Variants in PDE4D observed in about 807,000 individuals in gnomAD.
PDE4D encodes the protein 3',5'-cyclic-AMP phosphodiesterase 4D.
PDE4D carries 24 observed loss-of-function variants against 87.4 expected under a neutral mutation model. The ratio of observed to expected loss-of-function variants is 0.27; its 90% CI spans 0.20 to 0.39. The LOEUF (loss-of-function observed/expected upper bound fraction) is 0.39, where lower values mean the gene tolerates loss of function less well. Ranked by LOEUF, PDE4D falls within the 10% of genes least tolerant of loss-of-function variation. PDE4D has a pLI of 1.00. For synonymous variants in PDE4D, 384 were observed against 383.2 expected, an observed-to-expected ratio of 1.00 and a Z score of -0.02; for missense variants, 714 against 1,041.0, an observed-to-expected ratio of 0.69 and a Z score of 4.32.
intron 3 of PDE4D, among the ~76,000 whole-genome samples, chr5:59,918,736 G>A (rs948269315): frequency 1.3e-5 from 2 of 152,090 alleles, no homozygotes; most frequent in African/African-American, 4.8e-5. Context: ...AAGAAGTTGC[G>A]ACCGTCAGTC....
Position 60,089,921 on chromosome 5 carries a change from A to G in PDE4D, c.42+95636T>C, listed in dbSNP as rs141244513. Among the ~76,000 whole-genome samples the G allele has an allele frequency of 6.4e-3, 966 of 152,102 alleles. 10 individuals carry two copies. The highest frequency in any genetic ancestry group is 0.022 in the African/African-American group (914 of 41,546). On this transcript the variant is annotated intron_variant, in intron 2 of 16. Transcript: ENST00000502484. ...TACACCAACAAATAGGAAAACCTAA[A>G]AGAAATGGATGAATTTCTGGACACA...
At chr5:59,403,624 G>C (rs1383740035) in intron 1 of PDE4D, among the ~76,000 whole-genome samples, 4 of 152,008 alleles carry the variant, frequency 2.6e-5, no homozygotes, top group African/African-American at 9.7e-5. Context: ...CCATGTTGTT[G>C]CAAATGACAG....
At position 59,213,447 on chromosome 5, in the gene PDE4D, T is replaced by C. The variant is rs532023240; in HGVS notation, c.647+2330A>G. On this transcript the variant is annotated intron_variant, in intron 2 of 14. Coordinates refer to ENST00000340635, the MANE Select transcript of PDE4D (RefSeq NM_001104631.2). ...TTTTCCAAGGATAGCCTCCTTACTTTGGCTCATGATCATGTTTTTGTCAGC... is the reference window on the plus strand; with the variant it reads ...TTTTCCAAGGATAGCCTCCTTACTTCGGCTCATGATCATGTTTTTGTCAGC... Among the ~76,000 whole-genome samples the C allele has an allele frequency of 7.2e-5, 11 of 152,292 alleles. No homozygotes were observed. In the East Asian group the frequency reaches 2.1e-3, roughly 30 times the overall value.
intron 2 of PDE4D, among the ~76,000 whole-genome samples, chr5:60,104,908 G>C (rs2149340802): frequency 6.6e-6 from 1 of 152,240 alleles, no homozygotes; most frequent in East Asian, 1.9e-4. Flanking sequence ...CCACAAAGAT[G>C]GGGAAAATCA....
At position 59,866,225 on chromosome 5, in the gene PDE4D, T is replaced by C. The variant is rs187626953; in HGVS notation, c.455+26943A>G. ...CAGACAGGACTCCTATACATACTTCTTTTTTTGTTTATTGAAAATCTTATT... is the reference window on the plus strand; with the variant it reads ...CAGACAGGACTCCTATACATACTTCCTTTTTTGTTTATTGAAAATCTTATT... On this transcript the variant is annotated intron_variant, in intron 1 of 14. Transcript: ENST00000340635. Among the ~76,000 whole-genome samples, 30 of 151,974 alleles carry C rather than the reference T, an allele frequency of 2.0e-4. No homozygotes were observed. The East Asian group carries it at 5.8e-3, about 29-fold the overall frequency.
chr5:59,801,174 C>G (rs1017309776), intron 1 of PDE4D, among the ~76,000 whole-genome samples: 1 of 152,110 alleles, frequency 6.6e-6, no homozygotes, highest in Non-Finnish European at 1.5e-5. Context: ...ACTGTCATAG[C>G]TTGAGTGTTG....
intron 1 of PDE4D, among the ~76,000 whole-genome samples, chr5:59,443,000 A>G (rs1364689565): frequency 1.3e-5 from 2 of 152,194 alleles, no homozygotes; most frequent in Non-Finnish European, 2.9e-5. Context: ...CCTTAGAAAA[A>G]CCCAGCAGAG....
intron 1 of PDE4D, among the ~76,000 whole-genome samples, chr5:59,624,034 A>G (rs1830623229): frequency 6.6e-6 from 1 of 152,224 alleles, no homozygotes. Context: ...AAGAGAAAAT[A>G]TATATAAAGC....
rs990652718 is a variant in PDE4D, at chr5:59,508,610, A to G, written c.456-292642T>C. Among the ~76,000 whole-genome samples, 25 of 152,260 alleles carry G rather than the reference A, an allele frequency of 1.6e-4. No individual in the cohort carries two copies. In the East Asian group the frequency reaches 4.8e-3, roughly 29 times the overall value. On this transcript the variant is annotated intron_variant, in intron 1 of 14. Coordinates refer to ENST00000340635, the MANE Select transcript of PDE4D (RefSeq NM_001104631.2). ...AGACAATCAGTGGAATAAACTGCAC[A>G]GGTAGACCAACAAGATTACAGATAT...
intron 5 of PDE4D, chr5:59,172,711 A>AAATT (rs1444581632): frequency 5.3e-5 from 8 of 151,568 alleles, no homozygotes; most frequent in Non-Finnish European, 1.2e-4. Context: ...CTATTTCTAA[A>AAATT]AATTAATTAA....
intron 1 of PDE4D, among the ~76,000 whole-genome samples, chr5:59,783,115 G>T (rs1217591991): frequency 6.6e-6 from 1 of 152,194 alleles, no homozygotes; most frequent in Admixed American, 6.5e-5. Context: ...AAACTAAAAT[G>T]AGGAGAAGCT....
chr5:59,594,091 G>T (rs1311812476), intron 1 of PDE4D, among the ~76,000 whole-genome samples: 1 of 151,128 alleles, frequency 6.6e-6, no homozygotes, highest in Non-Finnish European at 1.5e-5. Flanking sequence ...TACCATCAAG[G>T]AGAAAGGAAA....
In PDE4D at chr5:60,274,791, C is replaced by T. The variant is rs111699920; in HGVS notation, c.-89-89104G>A. ...CAGTGTACCATAAAGCTATCTAGAC[C>T]AGTTGTTTTCACCTTGGCTGCATTC... On this transcript the variant is annotated intron_variant, in intron 1 of 16. Coordinates refer to the PDE4D transcript ENST00000502484. 4.6e-5 allele frequency among the ~76,000 whole-genome samples: 7 copies of T among 152,304 alleles called. 1 individual carries two copies. Among genetic ancestry groups the T allele is most frequent in the African/African-American group, 1.7e-4 (7 of 41,574 alleles).
intron 1 of PDE4D, among the ~76,000 whole-genome samples, chr5:59,249,146 T>A (rs1451529287): frequency 6.6e-6 from 1 of 151,968 alleles, no homozygotes; most frequent in East Asian, 1.9e-4. Flanking sequence ...GCAACCCCAA[T>A]AGAAAATAAG....
At chr5:59,319,945 A>G (rs1157008306) in intron 1 of PDE4D, among the ~76,000 whole-genome samples, 1 of 152,148 alleles carries the variant, frequency 6.6e-6, no homozygotes, top group Non-Finnish European at 1.5e-5. Flanking sequence ...CAAACACCGA[A>G]AAGTGAAATA....
At chr5:59,104,191 GA>G (rs1392129034) in intron 5 of PDE4D, among the ~76,000 whole-genome samples, 1 of 152,092 alleles carries the variant, frequency 6.6e-6, no homozygotes, top group African/African-American at 2.4e-5. Flanking sequence ...TCAAATAATG[GA>G]ATTAACATTT....
At chr5:60,457,584 T>C (rs1746571666) in intron 1 of PDE4D, among the ~76,000 whole-genome samples, 1 of 152,192 alleles carries the variant, frequency 6.6e-6, no homozygotes, top group African/African-American at 2.4e-5. Flanking sequence ...TAAGAGTGAA[T>C]AGTAATTTCA....
rs116415949 is a variant in PDE4D at position 59,338,600 on chromosome 5, G to A, written c.456-122632C>T. ...ACCATTAAGTCCATGTCCCTAAATTGTTTCTTTCTGTGAGGAAGGCAGAGG... is the reference window on the plus strand; with the variant it reads ...ACCATTAAGTCCATGTCCCTAAATTATTTCTTTCTGTGAGGAAGGCAGAGG... On this transcript the variant is annotated intron_variant, in intron 1 of 14. Transcript: ENST00000340635. 7.4e-3 allele frequency among the ~76,000 whole-genome samples: 1,129 copies of A among 152,252 alleles called. 17 individuals are homozygous for A. The highest frequency in any genetic ancestry group is 0.025 in the African/African-American group (1,050 of 41,536).
At chr5:59,730,030 G>A (rs955129477) in intron 1 of PDE4D, among the ~76,000 whole-genome samples, 2 of 152,064 alleles carry the variant, frequency 1.3e-5, no homozygotes, top group African/African-American at 2.4e-5. Flanking sequence ...GGACAACAGT[G>A]ACAGGTAAAG....
Sources: gnomAD v4.1 joint callset for allele counts (sites outside exome capture counted in the v4.1 genomes callset) on GRCh38, gnomAD v4.1.1 for gene constraint, MANE v1.5 for transcripts, NCBI Gene and HGNC (gene_info 2026-07-23, HGNC 2026-07-21) for gene names.